The following ITGA7 variants were observed in gnomAD, a reference collection of about 807,000 sequenced individuals.
ITGA7 encodes integrin alpha-7.
In ITGA7, 84 loss-of-function variants were observed where a neutral mutation model predicts 131.6. That is an observed-to-expected ratio of 0.64 (90% CI 0.54 to 0.77). The LOEUF is 0.77. Ranked by LOEUF, ITGA7 falls within the 30% of genes least tolerant of loss-of-function variation. The pLI, the probability that ITGA7 is intolerant of heterozygous loss-of-function variation, is 0.00. For synonymous variants in ITGA7, 548 were observed against 600.7 expected, an observed-to-expected ratio of 0.91 and a Z score of 1.28; for missense variants, 1,399 against 1,482.9, an observed-to-expected ratio of 0.94 and a Z score of 0.93.
intron 24 of ITGA7, 105 bp downstream of exon 24, chr12:55,687,866 T>C: frequency 6.8e-7 from 1 of 1,480,514 alleles, no homozygotes; most frequent in Middle Eastern, 2.3e-4. Flanking sequence ...TCAGTGCAGA[T>C]TTGCTGAATA....
rs1422279434 is a variant in ITGA7 at position 55,694,220 on chromosome 12, C to T, written c.2432+36G>A. 1 of 1,613,038 alleles carries T rather than the reference C, an allele frequency of 6.2e-7. No individual in the cohort carries two copies. The highest frequency in any genetic ancestry group is 1.3e-5 in the African/African-American group (1 of 75,046). Reference sequence around the variant, plus strand: ...AGGTTTGGAAATGTCAATGCCCCCTCCCTCCAATGGAGGTGCCCCCTTGGG... The same window carrying T: ...AGGTTTGGAAATGTCAATGCCCCCTTCCTCCAATGGAGGTGCCCCCTTGGG... On this transcript the variant is annotated intron_variant, in intron 18 of 24. Coordinates refer to ENST00000257879, the MANE Select transcript of ITGA7 (RefSeq NM_002206.3). This position sits in a 1 kb window ranked among gnomAD's most constrained non-coding sequence, Gnocchi z 5.3.
intron 19 of ITGA7, 130 bp downstream of exon 19, chr12:55,693,891 G>A: frequency 1.3e-6 from 1 of 756,960 alleles, no homozygotes. Flanking sequence ...AGGTCCATAT[G>A]CAGGACAGAG....
chr12:55,715,017 C>G (rs1158933794), upstream of ITGA7, among the ~76,000 whole-genome samples: 4 of 151,828 alleles, frequency 2.6e-5, no homozygotes, highest in South Asian at 4.2e-4. Context: ...TGTGCCACTA[C>G]GCCTGGCTAA....
rs370675255 is a variant in ITGA7, at chr12:55,703,043, G to T, written c.334+8C>A. On this transcript the variant is annotated splice_region_variant and intron_variant, in intron 2 of 24. Transcript: ENST00000257879. ...CGCTTCCCCCACTCTGTTCATGCAG[G>T]GCCACACCTCCCTGGTCGATGTCCA... The T allele has an allele frequency of 6.2e-6, 10 of 1,613,882 alleles. No individual in the cohort carries two copies. The Admixed American group carries it at 1.7e-4, about 27-fold the overall frequency.
In ITGA7 at chr12:55,707,819, A is replaced by AGGCCCG; in HGVS notation, c.-138_-137insCGGGCC. The stretch of plus-strand genomic sequence containing the variant: ...ACGTCTCCCAGACGTTCGCCCCGCC[A>AGGCCCG]GCCCTCCCGCCCGCCCGCCGCTCCG... On this transcript the variant is annotated 5_prime_UTR_variant, in exon 1 of 25. Coordinates refer to ENST00000257879, the MANE Select transcript of ITGA7 (RefSeq NM_002206.3). 2.8e-5 allele frequency: 38 copies of AGGCCCG among 1,380,004 alleles called. No individual in the cohort carries two copies. The highest frequency in any genetic ancestry group is 3.4e-5 in the Non-Finnish European group (36 of 1,050,444). The allele number at this position is 1,380,004 out of a possible 1,614,324, so 85.5% of individuals were successfully genotyped here. A position where few individuals can be genotyped will look rare whatever the true frequency, so the allele number is the denominator to read the frequency against.
At chr12:55,700,724 GA>G in intron 4 of ITGA7, 174 bp downstream of exon 4, 1 of 837,606 alleles carries the variant, frequency 1.2e-6, no homozygotes, top group South Asian at 1.7e-5. Context: ...CGAGGGAAAG[GA>G]GGCACCCCCC....
chr12:55,712,078 A>C, upstream of ITGA7: 1 of 1,551,514 alleles, frequency 6.4e-7, no homozygotes, highest in Non-Finnish European at 8.7e-7. Flanking sequence ...CAGCACTGGA[A>C]TCCTTCTGCC....
rs760377852 is a variant in ITGA7, at chr12:55,694,463, C to T, written c.2337G>A (p.Glu779=). 6.2e-7 allele frequency: 1 copy of T among 1,614,216 alleles called. No homozygotes were observed. Among genetic ancestry groups the T allele is most frequent in the Non-Finnish European group, 8.5e-7 (1 of 1,180,024 alleles). The change falls in exon 17 of 25, where the codon GAG becomes GAA. Residue 779 remains glutamate (E), a synonymous_variant. Transcript: ENST00000257879. The surrounding 1 kb of genome is among the most constrained non-coding windows in gnomAD (Gnocchi z 5.3). The stretch of plus-strand genomic sequence containing the variant: ...CTTACGTGGCCAACAGCAGCTCTAC[C>T]TCCAGTTCCGTGGTCTCAATGCTGA... The part of the protein sequence containing the change: ...SGISIETTEL[E]VELLLATISE...
At chr12:55,716,305 G>A (rs973541375), upstream of ITGA7, 9 of 1,514,082 alleles carry the variant, frequency 5.9e-6, no homozygotes, top group Admixed American at 2.5e-5. Context: ...GCCAGCTAGC[G>A]GGCAACGGGC....
chr12:55,692,745 G>T, intron 21 of ITGA7, 99 bp downstream of exon 21: 2 of 1,454,602 alleles, frequency 1.4e-6, no homozygotes, highest in South Asian at 2.4e-5. Context: ...GGAACATCTG[G>T]TCAACTTGCA....
chr12:55,700,793 C>G, intron 4 of ITGA7, 106 bp downstream of exon 4: 5 of 1,422,554 alleles, frequency 3.5e-6, no homozygotes, highest in East Asian at 2.3e-5. Context: ...TGGGGCCATA[C>G]AGCAGTGCAC....
intron 22 of ITGA7, 112 bp from the exon 23 acceptor site, chr12:55,688,412 C>A (rs1473901899): frequency 9.0e-6 from 8 of 887,112 alleles, no homozygotes; most frequent in Non-Finnish European, 1.5e-5. Flanking sequence ...GATGTTTCTG[C>A]CTGGTTTGGG....
At chr12:55,687,380 G>A (rs1870420557) in intron 24 of ITGA7, among the ~76,000 whole-genome samples, 1 of 149,760 alleles carries the variant, frequency 6.7e-6, no homozygotes, top group Admixed American at 6.7e-5. Context: ...ACAGAGACAG[G>A]ATTTCACCAT....
upstream of ITGA7, among the ~76,000 whole-genome samples, chr12:55,714,561 C>T (rs966702697): frequency 6.7e-5 from 10 of 150,302 alleles, no homozygotes; most frequent in African/African-American, 2.5e-4. Flanking sequence ...TGGCACATGC[C>T]TGTAATCCCA....
chr12:55,688,437 C>T (rs1280359187), intron 22 of ITGA7, 137 bp from the exon 23 acceptor site: 13 of 772,714 alleles, frequency 1.7e-5, no homozygotes, highest in Middle Eastern at 2.9e-4. Context: ...GAGTATGCTG[C>T]GTTTGGGCTG....
At chr12:55,691,983 G>T (rs1271054091) in intron 21 of ITGA7, among the ~76,000 whole-genome samples, 1 of 152,098 alleles carries the variant, frequency 6.6e-6, no homozygotes, top group African/African-American at 2.4e-5. Flanking sequence ...AGCATGTGCG[G>T]ATCTGCTCAA....
Position 55,692,970 on chromosome 12 carries a change from C to G in ITGA7, c.2718G>C (p.Val906=). ...CCCGCCGCCTCCTATCCCTACTGTC[C>G]ACATCCTGGACACGGAAGGGGGGTC... The part of the protein sequence containing the change: ...SPRPNILHLD[V]DSRDRRRREL... Residue 906 remains valine (V), a synonymous_variant, in exon 21 of 25, where the codon GTG becomes GTC. Transcript: ENST00000257879. 1 of 1,614,030 alleles carries G rather than the reference C, an allele frequency of 6.2e-7. No homozygotes were observed. Among genetic ancestry groups the G allele is most frequent in the Non-Finnish European group, 8.5e-7 (1 of 1,180,022 alleles).
Position 55,694,780 on chromosome 12 carries a change from C to G in ITGA7, c.2194G>C (p.Ala732Pro). 3.1e-6 allele frequency: 5 copies of G among 1,614,070 alleles called. No individual in the cohort carries two copies. Among genetic ancestry groups the G allele is most frequent in the Non-Finnish European group, 4.2e-6 (5 of 1,179,972 alleles). Residue 732 changes from alanine (A) to proline (P), a missense_variant and splice_region_variant, in exon 15 of 25, where the codon GCG (alanine) becomes CCG (proline). Physicochemically the swap from Ala to Pro is conservative, Grantham distance 27 (BLOSUM62 -1). Transcript: ENST00000257879. The surrounding 1 kb of genome is among the most constrained non-coding windows in gnomAD (Gnocchi z 5.3). ...HYSGVRALDP[A>P]EKPLCLSNEN... ...CCATCCTGCCCCCAGGTCCTCACCG[C>G]AGGGTCCAGGGCCCGGACCCCTGAG...
upstream of ITGA7, chr12:55,708,030 G>A: frequency 1.7e-6 from 2 of 1,167,376 alleles, no homozygotes; most frequent in Non-Finnish European, 2.1e-6. Context: ...TGGCTGGGAT[G>A]GAAACTAGCC....
Sources: gnomAD v4.1 joint callset for allele counts (sites outside exome capture counted in the v4.1 genomes callset) on GRCh38, gnomAD v4.1.1 for gene constraint, Gnocchi (gnomAD v3.1) non-coding constraint, MANE v1.5 for transcripts, NCBI Gene and HGNC (gene_info 2026-07-23, HGNC 2026-07-21) for gene names.